The following ZNF804A variants were observed in gnomAD, a reference collection of about 807,000 sequenced individuals.
The protein encoded by ZNF804A is zinc finger protein 804A.
Under a neutral mutation model 16.5 loss-of-function variants are expected in ZNF804A, and 2 were observed. The ratio of observed to expected loss-of-function variants is 0.12; its 90% confidence interval spans 0.05 to 0.38. The LOEUF (loss-of-function observed/expected upper bound fraction) is 0.38, where lower values mean the gene tolerates loss of function less well. Ranked by LOEUF, ZNF804A falls within the 10% of genes least tolerant of loss-of-function variation. The probability of loss-of-function intolerance (pLI) is 0.99; values close to 1 mark genes in which losing one functional copy is unlikely to be tolerated. For synonymous variants in ZNF804A, 534 were observed against 489.6 expected, an observed-to-expected ratio of 1.09 and a Z score of -1.20; for missense variants, 1,473 against 1,390.7, an observed-to-expected ratio of 1.06 and a Z score of -0.94.
chr2:184,880,729 G>A (rs1269753231), intron 2 of ZNF804A, among the ~76,000 whole-genome samples: 2 of 151,952 alleles, frequency 1.3e-5, no homozygotes, highest in Non-Finnish European at 2.9e-5. Context: ...TCAAGATTAA[G>A]GAGACAACAT....
intron 1 of ZNF804A, among the ~76,000 whole-genome samples, chr2:184,811,754 T>G (rs1177572304): frequency 6.6e-6 from 1 of 152,076 alleles, no homozygotes; most frequent in East Asian, 1.9e-4. Flanking sequence ...AGAAAATAAG[T>G]CATCAAAATT....
At chr2:184,874,461 T>TA (rs968398581) in intron 2 of ZNF804A, among the ~76,000 whole-genome samples, 5 of 152,130 alleles carry the variant, frequency 3.3e-5, no homozygotes, top group African/African-American at 1.2e-4. Flanking sequence ...ACTGCCCTAT[T>TA]ACAGATATAG....
intron 1 of ZNF804A, among the ~76,000 whole-genome samples, chr2:184,688,125 A>G (rs993583795): frequency 4.5e-4 from 68 of 152,176 alleles, no homozygotes; most frequent in African/African-American, 1.5e-3. Context: ...TCTCAAAACA[A>G]AAACAAAAAC....
intron 1 of ZNF804A, among the ~76,000 whole-genome samples, chr2:184,635,621 T>A (rs1473092338): frequency 1.3e-5 from 2 of 152,148 alleles, no homozygotes; most frequent in Non-Finnish European, 2.9e-5. Flanking sequence ...TGATTCAGTA[T>A]CATATTAGTT....
At chr2:184,668,144 T>A (rs990078710) in intron 1 of ZNF804A, among the ~76,000 whole-genome samples, 2 of 151,850 alleles carry the variant, frequency 1.3e-5, no homozygotes, top group Non-Finnish European at 3.0e-5. Flanking sequence ...TATGTGTTAA[T>A]GTTTATTTTA....
At chr2:184,722,209 G>A (rs1468122958) in intron 1 of ZNF804A, among the ~76,000 whole-genome samples, 1 of 151,988 alleles carries the variant, frequency 6.6e-6, no homozygotes, top group Non-Finnish European at 1.5e-5. Context: ...TGCTTAAGTA[G>A]ACAGTTGTGT....
chr2:184,628,718 T>C (rs1691550832), intron 1 of ZNF804A, among the ~76,000 whole-genome samples: 1 of 152,140 alleles, frequency 6.6e-6, no homozygotes, highest in Non-Finnish European at 1.5e-5. Flanking sequence ...TCGTGGTATT[T>C]CTATTGCATA....
chr2:184,649,363 TCA>T, intron 1 of ZNF804A, among the ~76,000 whole-genome samples: 1 of 152,054 alleles, frequency 6.6e-6, no homozygotes, highest in Non-Finnish European at 1.5e-5. Context: ...AACATTACAT[TCA>T]GAGGAACTAG....
intron 1 of ZNF804A, among the ~76,000 whole-genome samples, chr2:184,842,669 G>A (rs1409730832): frequency 6.6e-6 from 1 of 151,896 alleles, no homozygotes; most frequent in African/African-American, 2.4e-5. Flanking sequence ...AAAATAATAA[G>A]AAATGACCTA....
At chr2:184,606,366 C>G (rs899167634) in intron 1 of ZNF804A, among the ~76,000 whole-genome samples, 2 of 152,022 alleles carry the variant, frequency 1.3e-5, no homozygotes, top group Non-Finnish European at 2.9e-5. Context: ...ATGCCAGATG[C>G]GTATACAATT....
chr2:184,821,045 TA>T (rs1351850075), intron 1 of ZNF804A, among the ~76,000 whole-genome samples: 1 of 152,096 alleles, frequency 6.6e-6, no homozygotes, highest in Non-Finnish European at 1.5e-5. Flanking sequence ...TTGACAGTCT[TA>T]AAAGAATTAG....
intron 1 of ZNF804A, among the ~76,000 whole-genome samples, chr2:184,645,357 G>A (rs917902584): frequency 6.6e-6 from 1 of 152,042 alleles, no homozygotes; most frequent in Non-Finnish European, 1.5e-5. Flanking sequence ...AATGTCTACA[G>A]TACAAATATT....
At chr2:184,691,344 A>C (rs17508877) in intron 1 of ZNF804A, among the ~76,000 whole-genome samples, 23,828 of 151,906 alleles carry the variant, frequency 0.16, 2,029 homozygotes, top group Middle Eastern at 0.24. Context: ...TTCTAGAATA[A>C]GTTGATGCTC....
chr2:184,897,410 A>AC (rs1553486887), intron 2 of ZNF804A, among the ~76,000 whole-genome samples: 1 of 143,396 alleles, frequency 7.0e-6, no homozygotes, highest in Non-Finnish European at 1.5e-5. Flanking sequence ...CAATTTTTGG[A>AC]TTTTTCCCCC....
chr2:184,635,920 G>T (rs937873587), intron 1 of ZNF804A, among the ~76,000 whole-genome samples: 1 of 152,090 alleles, frequency 6.6e-6, no homozygotes, highest in African/African-American at 2.4e-5. Flanking sequence ...GATGGGAAAT[G>T]AAAACAAATA....
In ZNF804A at chr2:184,937,203, T is replaced by C; in HGVS notation, c.1807T>C (p.Cys603Arg). 1.2e-6 allele frequency: 2 copies of C among 1,601,358 alleles called. No homozygotes were observed. The highest frequency in any genetic ancestry group is 1.1e-5 in the South Asian group (1 of 88,588). Residue 603 changes from cysteine to arginine, a missense_variant, in exon 4 of 4, where the codon TGT becomes CGT. Transcript: ENST00000302277. ...AAGAAAGAAAAAAAGAAAAAAGTTA[T>C]GTCAGCATCATCATATGGAGAAAAC... ...SRRKKKRKKL[C>R]QHHHMEKTKE...
At chr2:184,916,063 G>A (rs1032755274) in intron 2 of ZNF804A, among the ~76,000 whole-genome samples, 2 of 152,146 alleles carry the variant, frequency 1.3e-5, no homozygotes, top group Non-Finnish European at 2.9e-5. Context: ...TCAGGAAATA[G>A]AGTTGGTGAT....
chr2:184,604,146 C>CTTTTTTTTTTTTTT lies in ZNF804A; in HGVS notation c.111+5104_111+5117dup, dbSNP rs759053144. 1.2e-3 allele frequency among the ~76,000 whole-genome samples: 53 copies of CTTTTTTTTTTTTTT among 44,896 alleles called. 17 individuals are homozygous for CTTTTTTTTTTTTTT. The highest frequency in any genetic ancestry group is 1.7e-3 in the East Asian group (2 of 1,190). 29.5% of individuals were successfully genotyped at this position (44,896 alleles called of 152,430 possible). On this transcript the variant is annotated intron_variant, in intron 1 of 3. Coordinates refer to ENST00000302277, the MANE Select transcript of ZNF804A (RefSeq NM_194250.2). ...TTCAGGTTATGGATGACTGCAATTA[C>CTTTTTTTTTTTTTT]TTTTTTTTTTTTTTTTTTTTTTTTT...
intron 1 of ZNF804A, among the ~76,000 whole-genome samples, chr2:184,806,156 C>A (rs1395364343): frequency 6.6e-6 from 1 of 151,866 alleles, no homozygotes; most frequent in African/African-American, 2.4e-5. Flanking sequence ...TAATAAATGG[C>A]ATTGAATAAG....
Sources: gnomAD v4.1 joint callset for allele counts (sites outside exome capture counted in the v4.1 genomes callset) on GRCh38, gnomAD v4.1.1 for gene constraint, MANE v1.5 for transcripts, NCBI Gene and HGNC (gene_info 2026-07-23, HGNC 2026-07-21) for gene names.